Variants in CCDC6 observed in about 807,000 individuals in gnomAD.
The protein encoded by CCDC6 is coiled-coil domain-containing protein 6.
A neutral mutation model predicts 56.6 loss-of-function variants in CCDC6; 20 were observed. The ratio of observed to expected loss-of-function variants is 0.35; its 90% CI spans 0.25 to 0.51. CCDC6 has a LOEUF of 0.51. Ranked by LOEUF, CCDC6 falls within the 20% of genes least tolerant of loss-of-function variation. The pLI is 0.95. For missense variants in CCDC6, 367 were observed against 601.1 expected (o/e 0.61, Z 4.07); for synonymous variants, 241 against 234.4 (o/e 1.03, Z -0.26).
At chr10:59,861,310 G>A (rs1037263641) in intron 1 of CCDC6, among the ~76,000 whole-genome samples, 5 of 151,920 alleles carry the variant, frequency 3.3e-5, no homozygotes, top group Admixed American at 2.6e-4. Context: ...AGAGAGCCTT[G>A]ATCGTGCCAC....
chr10:59,853,458 C>T (rs138342805), intron 1 of CCDC6, among the ~76,000 whole-genome samples: 50 of 151,914 alleles, frequency 3.3e-4, no homozygotes, highest in African/African-American at 1.2e-3. Context: ...CACTTGAACC[C>T]GGAAGACAGA....
At chr10:59,854,499 A>G (rs2132657695) in intron 1 of CCDC6, among the ~76,000 whole-genome samples, 1 of 152,338 alleles carries the variant, frequency 6.6e-6, no homozygotes, top group East Asian at 1.9e-4. Context: ...CTAAGCAACA[A>G]AGACAAAATC....
intron 7 of CCDC6, 129 bp downstream of exon 7, chr10:59,804,291 G>T: frequency 1.6e-6 from 1 of 617,592 alleles, no homozygotes; most frequent in South Asian, 2.1e-5. Flanking sequence ...AGTTTTTGAT[G>T]TTTTTGAAAA....
At chr10:59,889,725 C>A (rs1206394942) in intron 1 of CCDC6, among the ~76,000 whole-genome samples, 1 of 152,184 alleles carries the variant, frequency 6.6e-6, no homozygotes, top group Non-Finnish European at 1.5e-5. Context: ...AGGGAGAACT[C>A]AGAGTATTTC....
intron 2 of CCDC6, among the ~76,000 whole-genome samples, chr10:59,846,379 A>C (rs762617844): frequency 2.4e-4 from 37 of 152,208 alleles, no homozygotes; most frequent in Non-Finnish European, 4.7e-4. Flanking sequence ...TGAACTGCTC[A>C]GCTATAAATC....
chr10:59,799,125 C>T (rs1388379213), intron 7 of CCDC6, among the ~76,000 whole-genome samples: 1 of 149,842 alleles, frequency 6.7e-6, no homozygotes, highest in East Asian at 2.0e-4. Flanking sequence ...GTACTGCCTA[C>T]TTACTTAAAA....
chr10:59,859,364 T>A (rs779531308), intron 1 of CCDC6, among the ~76,000 whole-genome samples: 3 of 152,064 alleles, frequency 2.0e-5, no homozygotes, highest in Non-Finnish European at 2.9e-5. Flanking sequence ...CTCCCCTAAA[T>A]CCTCATCATT....
chr10:59,864,248 T>C (rs1012758059), intron 1 of CCDC6, among the ~76,000 whole-genome samples: 2 of 152,240 alleles, frequency 1.3e-5, no homozygotes, highest in East Asian at 1.9e-4. Flanking sequence ...TAGTTTCTTA[T>C]TCTTCCTCTC....
chr10:59,806,211 A>G (rs1040911509), intron 6 of CCDC6, among the ~76,000 whole-genome samples: 1 of 152,162 alleles, frequency 6.6e-6, no homozygotes, highest in African/African-American at 2.4e-5. Context: ...TTTTCCATTT[A>G]TACTTGTTTG....
chr10:59,807,042 C>T lies in CCDC6; in HGVS notation c.884G>A (p.Arg295His), dbSNP rs147792558. 5.6e-6 allele frequency: 9 copies of T among 1,613,886 alleles called. No individual in the cohort carries two copies. The highest frequency in any genetic ancestry group is 2.7e-5 in the African/African-American group (2 of 74,894). ...CCTCAAGTTCTCTTCTCTCATGTGA[C>T]GTTCCTCCTCCAGATACTGTGCCAT... ...EKMAQYLEEERHMREENLRLQ... is the reference protein window; with the variant it reads ...EKMAQYLEEEHHMREENLRLQ... The change falls in exon 6 of 9, where the codon CGT becomes CAT. Residue 295 changes from arginine (R) to histidine (H), a missense_variant. Arg to His is a conservative substitution (Grantham distance 29). Around this residue, in one of 7 missense-constraint regions of CCDC6, gnomAD observed 81 missense variants for 150.8 expected, o/e 0.54. Transcript: ENST00000263102.
At chr10:59,905,407 G>A (rs1021805578) in intron 1 of CCDC6, among the ~76,000 whole-genome samples, 3 of 152,196 alleles carry the variant, frequency 2.0e-5, no homozygotes, top group Non-Finnish European at 4.4e-5. Context: ...CAGCCAGGGA[G>A]TCACAGTCAC....
chr10:59,873,141 C>T (rs1388385568), intron 1 of CCDC6, among the ~76,000 whole-genome samples: 2 of 152,140 alleles, frequency 1.3e-5, no homozygotes, highest in Non-Finnish European at 2.9e-5. Flanking sequence ...GTGCTCAGTA[C>T]CTTTCCATAG....
intron 8 of CCDC6, among the ~76,000 whole-genome samples, chr10:59,794,238 A>G (rs1421832907): frequency 6.6e-6 from 1 of 152,248 alleles, no homozygotes; most frequent in Non-Finnish European, 1.5e-5. Flanking sequence ...ATTATATTTC[A>G]CAAAGGGTAA....
Position 59,792,390 on chromosome 10 carries a change from T to C in CCDC6, c.*527A>G. 2.5e-6 allele frequency: 1 copy of C among 405,898 alleles called. No individual in the cohort carries two copies. The highest frequency in any genetic ancestry group is 4.7e-6 in the Non-Finnish European group (1 of 214,466). 25.1% of individuals were successfully genotyped at this position (405,898 alleles called of 1,614,324 possible). A position where few individuals can be genotyped will look rare whatever the true frequency, so the allele number is the denominator to read the frequency against. ...AAAGTTCTGTTAAACAGAAAATATGTCTTGGGCACTGATTCATCTAACTTT... is the reference window on the plus strand; with the variant it reads ...AAAGTTCTGTTAAACAGAAAATATGCCTTGGGCACTGATTCATCTAACTTT... On this transcript the variant is annotated 3_prime_UTR_variant, in exon 9 of 9. Coordinates refer to ENST00000263102, the MANE Select transcript of CCDC6 (RefSeq NM_005436.5).
At chr10:59,898,642 A>T (rs2071481462) in intron 1 of CCDC6, among the ~76,000 whole-genome samples, 1 of 152,332 alleles carries the variant, frequency 6.6e-6, no homozygotes, top group African/African-American at 2.4e-5. Flanking sequence ...GCTGAATGAA[A>T]GTCAAGTGCA....
intron 2 of CCDC6, among the ~76,000 whole-genome samples, chr10:59,833,359 G>A (rs1207166062): frequency 2.0e-5 from 3 of 152,124 alleles, no homozygotes; most frequent in African/African-American, 7.2e-5. Context: ...TGAGACAAGA[G>A]AATCGCTTGA....
intron 3 of CCDC6, among the ~76,000 whole-genome samples, chr10:59,816,253 T>C (rs996712476): frequency 3.3e-5 from 5 of 152,230 alleles, no homozygotes; most frequent in Non-Finnish European, 7.3e-5. Flanking sequence ...GATATCATTA[T>C]GTTCTAAGTT....
chr10:59,882,050 G>C (rs28707007), intron 1 of CCDC6, among the ~76,000 whole-genome samples: 25,349 of 51,044 alleles, frequency 0.5, 7,262 homozygotes, highest in East Asian at 0.66. Flanking sequence ...GGAAAGCCAG[G>C]GGGAGAAGGA....
At chr10:59,892,862 T>A (rs1382417694) in intron 1 of CCDC6, among the ~76,000 whole-genome samples, 5 of 152,072 alleles carry the variant, frequency 3.3e-5, no homozygotes, top group Non-Finnish European at 5.9e-5. Flanking sequence ...ATAAGTCCTG[T>A]AGGGCCTGAA....
Sources: gnomAD v4.1 joint callset for allele counts (sites outside exome capture counted in the v4.1 genomes callset) on GRCh38, gnomAD v4.1.1 for gene constraint, gnomAD v4.1.1 regional missense constraint, MANE v1.5 for transcripts, NCBI Gene and HGNC (gene_info 2026-07-23, HGNC 2026-07-21) for gene names.